Variants in NELFE observed in about 807,000 individuals in gnomAD.
NELFE encodes negative elongation factor complex member E.
NELFE carries 26 observed loss-of-function variants against 55.5 expected under a neutral mutation model. The ratio of observed to expected loss-of-function variants is 0.47; its 90% CI spans 0.34 to 0.65. The LOEUF (loss-of-function observed/expected upper bound fraction) is 0.65. NELFE is among the 30% of genes least tolerant of loss of function. NELFE has a pLI of 0.01. For missense variants in NELFE, 403 were observed against 506.9 expected, an observed-to-expected ratio of 0.80 and a Z score of 1.97; for synonymous variants, 162 against 178.0, an observed-to-expected ratio of 0.91 and a Z score of 0.72.
At position 31,956,854 on chromosome 6, in the gene NELFE, G is replaced by C. The variant is rs185147690; in HGVS notation, c.146-16C>G. On this transcript the variant is annotated splice_polypyrimidine_tract_variant and intron_variant, in intron 3 of 10. Transcript: ENST00000375429. ...TCTGATAGTGCTGGAGAGACAAGGGGAAGAGGCATTATGTTGGCCAAGCCA... is the reference window on the plus strand; with the variant it reads ...TCTGATAGTGCTGGAGAGACAAGGGCAAGAGGCATTATGTTGGCCAAGCCA... 7.8e-4 allele frequency: 1,255 copies of C among 1,613,072 alleles called. 1 individual carries two copies. The highest frequency in any genetic ancestry group is 4.4e-3 in the Admixed American group (262 of 60,020).
In NELFE at chr6:31,955,277, G is replaced by C; in HGVS notation, c.308C>G (p.Pro103Arg). Reference sequence around the variant, plus strand: ...CTGGAACGGCTGGAAAGTGGGGACTGGTCCCTTCTCGGGGTCCTGGAGTGG... The same window carrying C: ...CTGGAACGGCTGGAAAGTGGGGACTCGTCCCTTCTCGGGGTCCTGGAGTGG... ...EGKLKDPEKG[P>R]VPTFQPFQRS... The change falls in exon 5 of 11, where the codon CCA (proline) becomes CGA (arginine). Residue 103 changes from proline to arginine, a missense_variant. Around this residue, in one of 3 missense-constraint regions of NELFE, gnomAD observed 97 missense variants for 155.3 expected, o/e 0.62. Transcript: ENST00000375429. 6.3e-7 allele frequency: 1 copy of C among 1,588,988 alleles called. No homozygotes were observed. Among genetic ancestry groups the C allele is most frequent in the Non-Finnish European group, 8.6e-7 (1 of 1,168,922 alleles).
Position 31,954,331 on chromosome 6 carries a change from T to C in NELFE, c.854A>G (p.Asn285Ser). The C allele has an allele frequency of 6.2e-7, 1 of 1,613,322 alleles. No homozygotes were observed. The highest frequency in any genetic ancestry group is 8.5e-7 in the Non-Finnish European group (1 of 1,179,630). Residue 285 changes from asparagine (N) to serine (S), a missense_variant, in exon 8 of 11, where the codon AAC becomes AGC. Physicochemically the swap from Asn to Ser is conservative, Grantham distance 46. Transcript: ENST00000375429. The surrounding 1 kb of genome is among the most constrained non-coding windows in gnomAD (Gnocchi z 5.5). ...LLRGAFSPFG[N>S]IIDLSMDPPR... Reference sequence around the variant, plus strand: ...TGGGTCCATGGAGAGGTCAATGATGTTTCCAAAAGGAGAGAAGGCCCCACG... The same window carrying C: ...TGGGTCCATGGAGAGGTCAATGATGCTTCCAAAAGGAGAGAAGGCCCCACG...
intron 9 of NELFE, 84 bp from the exon 10 acceptor site, chr6:31,953,915 A>G: frequency 7.3e-7 from 1 of 1,373,486 alleles, no homozygotes; most frequent in Admixed American, 1.7e-5. Flanking sequence ...TTGCTATCCT[A>G]GGAGGAGACT....
chr6:31,957,083 G>A, intron 2 of NELFE, 73 bp from the exon 3 acceptor site: 3 of 1,342,406 alleles, frequency 2.2e-6, no homozygotes, highest in Non-Finnish European at 3.1e-6. Flanking sequence ...AAGGCCCCTG[G>A]GCACATCACT....
chr6:31,953,585 G>A, intron 10 of NELFE, 144 bp downstream of exon 10: 1 of 712,566 alleles, frequency 1.4e-6, no homozygotes, highest in Non-Finnish European at 2.5e-6. Flanking sequence ...AACTGACAGA[G>A]GATCTGAAAT....
At chr6:31,958,190 T>C (rs552284868) in intron 2 of NELFE, 182 bp downstream of exon 2, 10 of 621,840 alleles carry the variant, frequency 1.6e-5, no homozygotes, top group Admixed American at 1.1e-4. Context: ...GCAAATTGCA[T>C]AGAAAAGACA....
intron 1 of NELFE, 134 bp from the exon 2 acceptor site, chr6:31,958,588 T>C: frequency 1.3e-6 from 1 of 762,228 alleles, no homozygotes; most frequent in Non-Finnish European, 2.3e-6. Context: ...ACCCCTTGCT[T>C]AAACCAGGCT....
At position 31,958,414 on chromosome 6, in the gene NELFE, T is replaced by C. The variant is rs749410390; in HGVS notation, c.33A>G (p.Glu11=). MLVIPPGLSE[E]EEALQKKFNK... ...TGAATTTCTTCTGCAGAGCCTCCTC[T>C]TCCTCGCTCAGTCCGGGGGGTATCA... Residue 11 remains glutamate (E), a synonymous_variant, in exon 2 of 11, where the codon GAA becomes GAG. Transcript: ENST00000375429. 3.1e-6 allele frequency: 5 copies of C among 1,613,114 alleles called. No homozygotes were observed. Among genetic ancestry groups the C allele is most frequent in the Non-Finnish European group, 4.2e-6 (5 of 1,180,036 alleles).
chr6:31,954,033 T>C lies in NELFE; in HGVS notation c.942+47A>G. 1 of 1,598,006 alleles carries C rather than the reference T, an allele frequency of 6.3e-7. No homozygotes were observed. ...CATCTAGTATTTTGAGGAGAACACA[T>C]GAGAACAGCAGAAGCGATGGGAAGA... On this transcript the variant is annotated intron_variant, in intron 9 of 10. Coordinates refer to ENST00000375429, the MANE Select transcript of NELFE (RefSeq NM_002904.6). The surrounding 1 kb of genome is among the most constrained non-coding windows in gnomAD (Gnocchi z 5.5).
In NELFE at chr6:31,954,575, T is replaced by A. The variant is rs776376703; in HGVS notation, c.722A>T (p.Asp241Val). The change falls in exon 7 of 11, where the codon GAC becomes GTC. Residue 241 changes from aspartate to valine, a missense_variant. Physicochemically the swap from Asp to Val is radical, Grantham distance 152. Around this residue, in one of 3 missense-constraint regions of NELFE, gnomAD observed 229 missense variants for 228.3 expected, o/e 1.00. Transcript: ENST00000375429. This position sits in a 1 kb window ranked among gnomAD's most constrained non-coding sequence, Gnocchi z 5.5. ...DRDRERDRDRDREGPFRRSDS... is the reference protein window; with the variant it reads ...DRDRERDRDRVREGPFRRSDS... ...CTCACTGCGGAAAGGACCCTCTCGG[T>A]CTCGGTCTCGATCCCGCTCCCGATC... The A allele has an allele frequency of 2.6e-5, 42 of 1,600,672 alleles. No homozygotes were observed. The highest frequency in any genetic ancestry group is 2.6e-5 in the Non-Finnish European group (31 of 1,176,822).
Position 31,954,857 on chromosome 6 carries a change from C to G in NELFE, c.440G>C (p.Gly147Ala). The G allele has an allele frequency of 6.4e-7, 1 of 1,570,974 alleles. No homozygotes were observed. Among genetic ancestry groups the G allele is most frequent in the Non-Finnish European group, 8.6e-7 (1 of 1,161,458 alleles). Residue 147 changes from glycine to alanine, a missense_variant, in exon 7 of 11, where the codon GGA (glycine) becomes GCA (alanine). This residue lies in a region of NELFE where 229 missense variants were observed against 228.3 expected (regional missense o/e 1.00). Transcript: ENST00000375429. The surrounding 1 kb of genome is among the most constrained non-coding windows in gnomAD (Gnocchi z 5.5). ...VSSSDRLREL[G>A]PDGEEAEGPG... ...GCCCTCTGCCTCTTCTCCATCTGGT[C>G]CTAGTTCTCGAAGTCGATCACTAGA...
intron 10 of NELFE, among the ~76,000 whole-genome samples, chr6:31,953,172 C>T (rs888464627): frequency 6.6e-6 from 1 of 152,204 alleles, no homozygotes; most frequent in Non-Finnish European, 1.5e-5. Flanking sequence ...CCTTTGCTAA[C>T]GTTAGGCTCA....
Position 31,956,748 on chromosome 6 carries a change from G to C in NELFE, c.236C>G (p.Ala79Gly). The C allele has an allele frequency of 1.2e-6, 2 of 1,613,048 alleles. No homozygotes were observed. Among genetic ancestry groups the C allele is most frequent in the Non-Finnish European group, 1.7e-6 (2 of 1,180,006 alleles). ...CTTGAAGCCTGAGTTCTTGGTCTCA[G>C]CCTTGATGGCACTGATGGCTCCTGA... ...VKSGAISAIK[A>G]ETKNSGFKRS... Residue 79 changes from alanine to glycine, a missense_variant, in exon 4 of 11, where the codon GCT becomes GGT. Around this residue, in one of 3 missense-constraint regions of NELFE, gnomAD observed 97 missense variants for 155.3 expected, o/e 0.62. Transcript: ENST00000375429.
rs746083332 is a variant in NELFE, at chr6:31,954,408, C to T, written c.777G>A (p.Arg259=). 8.1e-6 allele frequency: 13 copies of T among 1,609,200 alleles called. No individual in the cohort carries two copies. Among genetic ancestry groups the T allele is most frequent in the South Asian group, 1.1e-5 (1 of 90,714 alleles). Residue 259 remains arginine, a synonymous_variant, in exon 8 of 11, where the codon AGG becomes AGA. Transcript: ENST00000375429. The surrounding 1 kb of genome is among the most constrained non-coding windows in gnomAD (Gnocchi z 5.5). ...SDSFPERRAP[R]KGNTLYVYGE... Reference sequence around the variant, plus strand: ...CATATACATAGAGAGTATTCCCTTTCCTAGGGGCTCGCCGTTCAGGGAATG... The same window carrying T: ...CATATACATAGAGAGTATTCCCTTTTCTAGGGGCTCGCCGTTCAGGGAATG...
Position 31,954,825 on chromosome 6 carries a change from C to G in NELFE, c.472G>C (p.Ala158Pro), listed in dbSNP as rs1352059490. Residue 158 changes from alanine to proline, a missense_variant, in exon 7 of 11, where the codon GCT becomes CCT. Coordinates refer to ENST00000375429, the MANE Select transcript of NELFE (RefSeq NM_002904.6). The surrounding 1 kb of genome is among the most constrained non-coding windows in gnomAD (Gnocchi z 5.5). ...PDGEEAEGPG[A>P]GDGPPRSFDW... is the part of the protein sequence containing the mutation. ...AAGCTTCGAGGGGGACCATCACCAG[C>G]CCCTGGGCCCTCTGCCTCTTCTCCA... 6.3e-6 allele frequency: 10 copies of G among 1,592,602 alleles called. No homozygotes were observed. Among genetic ancestry groups the G allele is most frequent in the Non-Finnish European group, 8.5e-6 (10 of 1,170,654 alleles).
Position 31,952,288 on chromosome 6 carries a change from C to T in NELFE, c.*13G>A, listed in dbSNP as rs1382765654. ...TTGGGGCATATGAGGCACAAGGAAT[C>T]CAGCTCTGTTCCCTAGAAGCCATCC... On this transcript the variant is annotated 3_prime_UTR_variant, in exon 11 of 11. Coordinates refer to ENST00000375429, the MANE Select transcript of NELFE (RefSeq NM_002904.6). 1.2e-6 allele frequency: 2 copies of T among 1,605,610 alleles called. No individual in the cohort carries two copies. The highest frequency in any genetic ancestry group is 2.7e-5 in the African/African-American group (2 of 74,710).
chr6:31,953,395 G>C (rs1562637391), intron 10 of NELFE, among the ~76,000 whole-genome samples: 1 of 152,002 alleles, frequency 6.6e-6, no homozygotes. Flanking sequence ...CCTCACACCT[G>C]AGTTCCAGAT....
At chr6:31,956,609 T>C in intron 4 of NELFE, 84 bp downstream of exon 4, 1 of 1,436,254 alleles carries the variant, frequency 7.0e-7, no homozygotes, top group Middle Eastern at 1.8e-4. Flanking sequence ...TTGCCAGTGC[T>C]TGAGTATGCA....
At chr6:31,958,332 T>A (rs1415977538) in intron 2 of NELFE, 40 bp downstream of exon 2, 1 of 1,577,804 alleles carries the variant, frequency 6.3e-7, no homozygotes, top group Non-Finnish European at 8.7e-7. Flanking sequence ...GAGTGCAGAG[T>A]CTGTGAAAGG....
Sources: allele counts gnomAD v4.1 joint callset (sites outside exome capture counted in the v4.1 genomes callset), GRCh38; gene constraint gnomAD v4.1.1; regional missense constraint gnomAD v4.1.1; non-coding constraint Gnocchi (gnomAD v3.1); transcripts MANE v1.5; gene names NCBI Gene and HGNC (gene_info 2026-07-23, HGNC 2026-07-21).